Variants in SLC25A13 observed in about 807,000 individuals in gnomAD.
SLC25A13 encodes electrogenic aspartate/glutamate antiporter SLC25A13, mitochondrial.
In SLC25A13, 70 loss-of-function variants were observed where a neutral mutation model predicts 85.5. The ratio of observed to expected loss-of-function variants is 0.82; its 90% CI spans 0.68 to 1.00. The LOEUF is 1.00. SLC25A13 is among the 50% of genes least tolerant of loss of function. The pLI, the probability that SLC25A13 is intolerant of heterozygous loss-of-function variation, is 0.00. For missense variants in SLC25A13, 765 were observed against 819.8 expected (o/e 0.93, Z 0.82); for synonymous variants, 259 against 288.7 (o/e 0.90, Z 1.04).
At chr7:96,123,887 G>C (rs1284739285) in intron 15 of SLC25A13, among the ~76,000 whole-genome samples, 1 of 152,202 alleles carries the variant, frequency 6.6e-6, no homozygotes, top group Non-Finnish European at 1.5e-5. Flanking sequence ...CTCTCTTCTG[G>C]ATTCCAAAAG....
chr7:96,267,672 G>A (rs998606434), intron 3 of SLC25A13, among the ~76,000 whole-genome samples: 2 of 151,918 alleles, frequency 1.3e-5, no homozygotes, highest in Non-Finnish European at 2.9e-5. Flanking sequence ...AAATTAGCCG[G>A]GTGTGGTGGT....
chr7:96,175,149 G>A (rs1415532822), intron 11 of SLC25A13, among the ~76,000 whole-genome samples: 1 of 152,086 alleles, frequency 6.6e-6, no homozygotes, highest in African/African-American at 2.4e-5. Flanking sequence ...TGCAGGAGGG[G>A]AAAAAACATC....
intron 4 of SLC25A13, among the ~76,000 whole-genome samples, chr7:96,219,065 C>A (rs1796004477): frequency 6.6e-6 from 1 of 152,170 alleles, no homozygotes; most frequent in Non-Finnish European, 1.5e-5. Context: ...GTTGCCATTT[C>A]AAACCCTTTT....
intron 4 of SLC25A13, among the ~76,000 whole-genome samples, chr7:96,213,783 T>C (rs180833988): frequency 6.6e-6 from 1 of 152,186 alleles, no homozygotes; most frequent in African/African-American, 2.4e-5. Context: ...CTTTTCCCCA[T>C]GTTGAGGTCA....
chr7:96,209,703 A>G (rs1584459462), intron 4 of SLC25A13, among the ~76,000 whole-genome samples: 2 of 152,202 alleles, frequency 1.3e-5, no homozygotes, highest in African/African-American at 4.8e-5. Context: ...TAGCCTCTAC[A>G]GAAAAACTGT....
Position 96,262,849 on chromosome 7 carries a change from A to G in SLC25A13, c.212+14347T>C, listed in dbSNP as rs142308045. On this transcript the variant is annotated intron_variant, in intron 3 of 17. Coordinates refer to ENST00000265631, the MANE Select transcript of SLC25A13 (RefSeq NM_014251.3). Reference sequence around the variant, plus strand: ...TTAGCTATATGACTTTGAGCAAATTATTTAACCTCTCTAATTCTCCACCTC... The same window carrying G: ...TTAGCTATATGACTTTGAGCAAATTGTTTAACCTCTCTAATTCTCCACCTC... Among the ~76,000 whole-genome samples the G allele has an allele frequency of 2.8e-3, 427 of 152,304 alleles. 3 individuals are homozygous for G. The East Asian group carries it at 0.029, about 10-fold the overall frequency.
chr7:96,207,991 A>C (rs1484549457), intron 5 of SLC25A13, among the ~76,000 whole-genome samples: 2 of 152,168 alleles, frequency 1.3e-5, no homozygotes, highest in Non-Finnish European at 2.9e-5. Flanking sequence ...TGCCCCCATT[A>C]AATCTAATCT....
intron 5 of SLC25A13, among the ~76,000 whole-genome samples, chr7:96,207,326 G>C (rs1310082729): frequency 6.6e-6 from 1 of 152,096 alleles, no homozygotes; most frequent in Non-Finnish European, 1.5e-5. Flanking sequence ...ACAAATGCTA[G>C]TTGCTAAGAA....
Position 96,152,701 on chromosome 7 carries a change from G to A in SLC25A13, c.1312-6005C>T, listed in dbSNP as rs537348069. Among the ~76,000 whole-genome samples, 3 of 152,264 alleles carry A rather than the reference G, an allele frequency of 2.0e-5. No individual in the cohort carries two copies. In the East Asian group the frequency reaches 5.8e-4, roughly 29 times the overall value. On this transcript the variant is annotated intron_variant, in intron 13 of 17. Transcript: ENST00000265631. ...AGGCAGGGGTTTAGATAAGGTGGGA[G>A]GATGAAGAAGAAAAATGGAAAGTGG...
At chr7:96,242,763 C>G (rs923780848) in intron 3 of SLC25A13, among the ~76,000 whole-genome samples, 3 of 152,178 alleles carry the variant, frequency 2.0e-5, no homozygotes, top group Non-Finnish European at 4.4e-5. Flanking sequence ...CGCCCCACTT[C>G]GAGTTGTCCC....
intron 5 of SLC25A13, among the ~76,000 whole-genome samples, chr7:96,203,999 C>T (rs1584451188): frequency 6.6e-6 from 1 of 152,216 alleles, no homozygotes; most frequent in East Asian, 1.9e-4. Context: ...TGTCACACAC[C>T]TGTCATCTGA....
At chr7:96,197,753 C>A (rs966058042) in intron 5 of SLC25A13, among the ~76,000 whole-genome samples, 3 of 151,996 alleles carry the variant, frequency 2.0e-5, no homozygotes, top group African/African-American at 7.3e-5. Context: ...GTATTTATTT[C>A]TAAAATGAAG....
intron 14 of SLC25A13, 102 bp downstream of exon 14, chr7:96,146,454 T>A (rs1193215323): frequency 6.9e-7 from 1 of 1,459,748 alleles, no homozygotes; most frequent in African/African-American, 1.4e-5. Flanking sequence ...CTTCTCCAGG[T>A]GTAGAAATGC....
chr7:96,278,898 T>G (rs1356617511), intron 2 of SLC25A13, among the ~76,000 whole-genome samples: 1 of 152,226 alleles, frequency 6.6e-6, no homozygotes, highest in Non-Finnish European at 1.5e-5. Flanking sequence ...TACAGCAATC[T>G]TATGACTTAG....
At chr7:96,165,233 T>C (rs1167365412) in intron 13 of SLC25A13, among the ~76,000 whole-genome samples, 3 of 152,040 alleles carry the variant, frequency 2.0e-5, no homozygotes, top group African/African-American at 4.8e-5. Flanking sequence ...GTAAGAACCA[T>C]GGCAGCAGAA....
At position 96,121,648 on chromosome 7, in the gene SLC25A13, T is replaced by C. The variant is rs1269888231; in HGVS notation, c.1841+7A>G. The C allele has an allele frequency of 1.9e-6, 3 of 1,613,940 alleles. No individual in the cohort carries two copies. Among genetic ancestry groups the C allele is most frequent in the Middle Eastern group, 3.3e-4 (2 of 6,082 alleles). On this transcript the variant is annotated splice_region_variant and intron_variant, in intron 17 of 17. Coordinates refer to ENST00000265631, the MANE Select transcript of SLC25A13 (RefSeq NM_014251.3). ...AAATTTAGCAGCAGATTTAGCATGATACTTACACTCCTCCAAAATCAATGT... is the reference window on the plus strand; with the variant it reads ...AAATTTAGCAGCAGATTTAGCATGACACTTACACTCCTCCAAAATCAATGT...
At chr7:96,242,703 C>A (rs1407278820) in intron 3 of SLC25A13, among the ~76,000 whole-genome samples, 2 of 152,202 alleles carry the variant, frequency 1.3e-5, no homozygotes, top group African/African-American at 4.8e-5. Context: ...TAAACTCCAA[C>A]CAATTGTCAA....
chr7:96,244,865 G>T (rs1310786849), intron 3 of SLC25A13, among the ~76,000 whole-genome samples: 1 of 152,148 alleles, frequency 6.6e-6, no homozygotes, highest in Non-Finnish European at 1.5e-5. Context: ...ACCTATTAAA[G>T]ATTTTTATTG....
chr7:96,265,583 T>C (rs1479103957), intron 3 of SLC25A13, among the ~76,000 whole-genome samples: 2 of 152,192 alleles, frequency 1.3e-5, no homozygotes, highest in Admixed American at 1.3e-4. Flanking sequence ...TTTTAAAATG[T>C]AATCTTGTGT....
Sources: gnomAD v4.1 joint callset for allele counts (sites outside exome capture counted in the v4.1 genomes callset) on GRCh38, gnomAD v4.1.1 for gene constraint, MANE v1.5 for transcripts, NCBI Gene and HGNC (gene_info 2026-07-23, HGNC 2026-07-21) for gene names.